The following FRMD4B variants were observed in gnomAD, a reference collection of about 807,000 sequenced individuals.
The protein encoded by FRMD4B is FERM domain containing 4B.
A neutral mutation model predicts 141.5 loss-of-function variants in FRMD4B; 74 were observed. The observed-to-expected ratio is 0.52, with a 90% CI of 0.43 to 0.63. FRMD4B has a LOEUF of 0.63. Ranked by LOEUF, FRMD4B falls within the 30% of genes least tolerant of loss-of-function variation. The pLI, the probability that FRMD4B is intolerant of heterozygous loss-of-function variation, is 0.00. For synonymous variants in FRMD4B, 506 were observed against 467.9 expected (o/e 1.08, Z -1.05); for missense variants, 1,366 against 1,253.4 (o/e 1.09, Z -1.36).
chr3:69,251,999 G>C (rs2093466194), intron 5 of FRMD4B, among the ~76,000 whole-genome samples: 1 of 152,162 alleles, frequency 6.6e-6, no homozygotes, highest in Non-Finnish European at 1.5e-5. Flanking sequence ...AAATCTTAGA[G>C]AAGAAAAAAT....
rs572533504 is a variant in FRMD4B, at chr3:69,437,896, T to C, written c.-128-5135A>G. Among the ~76,000 whole-genome samples, 6 of 133,092 alleles carry C rather than the reference T, an allele frequency of 4.5e-5. No individual in the cohort carries two copies. The South Asian group carries it at 1.1e-3, about 24-fold the overall frequency. 87.3% of individuals were successfully genotyped at this position (133,092 alleles called of 152,430 possible). A position where few individuals can be genotyped will look rare whatever the true frequency, so the allele number is the denominator to read the frequency against. On this transcript the variant is annotated intron_variant, in intron 1 of 5. Transcript: ENST00000459638. Reference sequence around the variant, plus strand: ...TATGTAGTATATATACTATATAATATATACTATTATTGTATAATATATATT... The same window carrying C: ...TATGTAGTATATATACTATATAATACATACTATTATTGTATAATATATATT...
intron 1 of FRMD4B, among the ~76,000 whole-genome samples, chr3:69,478,298 G>C (rs1463077939): frequency 1.3e-5 from 2 of 152,110 alleles, no homozygotes; most frequent in Non-Finnish European, 2.9e-5. Context: ...TGTGATGTTA[G>C]AGTGTCAATT....
At chr3:69,292,654 G>C (rs1028762855) in intron 4 of FRMD4B, among the ~76,000 whole-genome samples, 3 of 152,096 alleles carry the variant, frequency 2.0e-5, no homozygotes, top group Admixed American at 6.5e-5. Context: ...CATTGTAATG[G>C]CTTCATATTT....
At chr3:69,197,247 A>G (rs777431276) in intron 12 of FRMD4B, among the ~76,000 whole-genome samples, 1 of 152,220 alleles carries the variant, frequency 6.6e-6, no homozygotes, top group South Asian at 2.1e-4. Flanking sequence ...GATAAACAGC[A>G]TGTTTAAAAA....
At chr3:69,392,144 G>A (rs1463120052) in intron 2 of FRMD4B, among the ~76,000 whole-genome samples, 6 of 152,160 alleles carry the variant, frequency 3.9e-5, no homozygotes, top group African/African-American at 4.8e-5. Flanking sequence ...TATTGAGTTC[G>A]CACTATGCAT....
chr3:69,252,010 T>A (rs757488121), intron 5 of FRMD4B, among the ~76,000 whole-genome samples: 1 of 152,196 alleles, frequency 6.6e-6, no homozygotes, highest in South Asian at 2.1e-4. Flanking sequence ...AAGAAAAAAT[T>A]ACTTAAGATG....
At chr3:69,494,317 C>T (rs761616203) in intron 1 of FRMD4B, among the ~76,000 whole-genome samples, 9 of 152,120 alleles carry the variant, frequency 5.9e-5, no homozygotes, top group Admixed American at 2.0e-4. Flanking sequence ...TGATTGGGCA[C>T]GAGATCCAGC....
In FRMD4B at chr3:69,213,653, TTTCA is replaced by T. The variant is rs1256436777; in HGVS notation, c.876+2606_876+2609del. ...TGCTTGTTGAATGATGCGCTGTTGTTTTCATTGATTTTTTTTTTTTTTTTTCTGA... is the reference window on the plus strand; with the variant it reads ...TGCTTGTTGAATGATGCGCTGTTGTTTTGATTTTTTTTTTTTTTTTTCTGA... On this transcript the variant is annotated intron_variant, in intron 11 of 22. Transcript: ENST00000398540. Among the ~76,000 whole-genome samples the T allele has an allele frequency of 2.6e-4, 28 of 108,820 alleles. No homozygotes were observed. The East Asian group carries it at 6.7e-3, about 26-fold the overall frequency. The allele number at this position is 108,820 out of a possible 152,430, so 71.4% of individuals were successfully genotyped here. A position where few individuals can be genotyped will look rare whatever the true frequency, so the allele number is the denominator to read the frequency against.
At chr3:69,351,550 G>A (rs765309850) in intron 1 of FRMD4B, among the ~76,000 whole-genome samples, 11 of 152,194 alleles carry the variant, frequency 7.2e-5, no homozygotes, top group Non-Finnish European at 1.0e-4. Flanking sequence ...TGGAAACCAT[G>A]CAGAACAGAA....
chr3:69,525,140 A>G (rs1442539753), intron 1 of FRMD4B, among the ~76,000 whole-genome samples: 1 of 152,262 alleles, frequency 6.6e-6, no homozygotes, highest in African/African-American at 2.4e-5. Context: ...GCTGAAAGGA[A>G]AACAAGCTGT....
intron 1 of FRMD4B, among the ~76,000 whole-genome samples, chr3:69,323,193 C>T (rs536630734): frequency 5.9e-5 from 9 of 152,196 alleles, no homozygotes; most frequent in Middle Eastern, 3.4e-3. Flanking sequence ...AGTAACATGC[C>T]TTAAGAGAAA....
intron 1 of FRMD4B, among the ~76,000 whole-genome samples, chr3:69,522,765 C>T (rs1700871385): frequency 6.6e-6 from 1 of 152,126 alleles, no homozygotes; most frequent in Admixed American, 6.5e-5. Flanking sequence ...GCCAACACCT[C>T]CCATGACAGA....
At chr3:69,262,614 C>T (rs1048446544) in intron 5 of FRMD4B, among the ~76,000 whole-genome samples, 54 of 151,680 alleles carry the variant, frequency 3.6e-4, no homozygotes, top group African/African-American at 1.2e-3. Flanking sequence ...CATGTGCCAC[C>T]GCGCCTGGCT....
intron 1 of FRMD4B, among the ~76,000 whole-genome samples, chr3:69,366,693 T>C (rs1703667691): frequency 6.7e-6 from 1 of 149,914 alleles, no homozygotes; most frequent in African/African-American, 2.5e-5. Flanking sequence ...TCTATAGTTC[T>C]TAAAAGAGCA....
intron 18 of FRMD4B, 140 bp from the exon 19 acceptor site, chr3:69,188,057 A>G (rs763382200): frequency 7.8e-6 from 5 of 641,202 alleles, no homozygotes; most frequent in African/African-American, 1.9e-5. Flanking sequence ...TTAGAAGAAC[A>G]TAACTCTTTC....
In FRMD4B at chr3:69,265,270, ATATATATATATATATATATAT is replaced by A. The variant is rs1224496844; in HGVS notation, c.502-15192_502-15172del. On this transcript the variant is annotated intron_variant, in intron 5 of 22. Transcript: ENST00000398540. ...ACTCCATCTCAAAAAAAAAAAAAAA[ATATATATATATATATATATAT>A]ATATATATATATATATATATATATG... Among the ~76,000 whole-genome samples the A allele has an allele frequency of 3.9e-3, 79 of 20,232 alleles. 16 individuals carry two copies. Among genetic ancestry groups the A allele is most frequent in the African/African-American group, 0.014 (71 of 5,184 alleles). The allele number at this position is 20,232 out of a possible 152,430, so 13.3% of individuals were successfully genotyped here. A position where few individuals can be genotyped will look rare whatever the true frequency, so the allele number is the denominator to read the frequency against.
At chr3:69,386,402 A>C (rs1178072920), upstream of FRMD4B, 1 of 163,506 alleles carries the variant, frequency 6.1e-6, no homozygotes, top group East Asian at 1.8e-4. Context: ...GCATTTCAGC[A>C]CACTTGGCTT....
chr3:69,441,061 T>G (rs576267617), intron 1 of FRMD4B, among the ~76,000 whole-genome samples: 1 of 152,262 alleles, frequency 6.6e-6, no homozygotes, highest in South Asian at 2.1e-4. Flanking sequence ...TCTGGAGTGA[T>G]TTTTTTGAAA....
chr3:69,177,235 A>G (rs2092656517), intron 21 of FRMD4B, among the ~76,000 whole-genome samples: 1 of 152,176 alleles, frequency 6.6e-6, no homozygotes, highest in South Asian at 2.1e-4. Context: ...GCCACTCAGG[A>G]GGCTGAGACA....
Sources: allele counts gnomAD v4.1 joint callset (sites outside exome capture counted in the v4.1 genomes callset), GRCh38; gene constraint gnomAD v4.1.1; transcripts MANE v1.5; gene names NCBI Gene and HGNC (gene_info 2026-07-23, HGNC 2026-07-21).